The following SORCS2 variants were observed in gnomAD, a reference collection of about 807,000 sequenced individuals.
SORCS2 encodes VPS10 domain-containing receptor SorCS2.
Under a neutral mutation model 141.6 loss-of-function variants are expected in SORCS2, and 100 were observed. The observed-to-expected ratio is 0.71, with a 90% CI of 0.60 to 0.83. SORCS2 has a LOEUF of 0.83. Among genes scored for constraint, SORCS2 ranks in the 40% least tolerant of loss-of-function variants. SORCS2 has a pLI of 0.00. For missense variants in SORCS2, 1,646 were observed against 1,560.2 expected (o/e 1.05, Z -0.93); for synonymous variants, 789 against 676.9 (o/e 1.17, Z -2.57).
At chr4:7,526,921 A>G (rs1733730536) in intron 2 of SORCS2, among the ~76,000 whole-genome samples, 1 of 152,260 alleles carries the variant, frequency 6.6e-6, no homozygotes, top group African/African-American at 2.4e-5. Context: ...TAATCAATAT[A>G]AACATTATAA....
At chr4:7,568,556 C>T (rs372574558) in intron 3 of SORCS2, among the ~76,000 whole-genome samples, 56 of 152,226 alleles carry the variant, frequency 3.7e-4, no homozygotes, top group African/African-American at 8.2e-4. Context: ...TTTATCACAG[C>T]GACCACCAAA....
chr4:7,531,147 G>T (rs1212564679), intron 2 of SORCS2, among the ~76,000 whole-genome samples: 1 of 152,242 alleles, frequency 6.6e-6, no homozygotes, highest in African/African-American at 2.4e-5. Flanking sequence ...TTAACTAAGT[G>T]ATTTCAGGCA....
rs189601180 is a variant in SORCS2, at chr4:7,468,645, C to T, written c.549-62885C>T. 4.6e-5 allele frequency among the ~76,000 whole-genome samples: 7 copies of T among 152,324 alleles called. No individual in the cohort carries two copies. The East Asian group carries it at 7.7e-4, about 17-fold the overall frequency. Reference sequence around the variant, plus strand: ...AGTGCAACAGCAAGGCCTGGCATGGCGCTTCACCCAGCTTCATCTTGATCA... The same window carrying T: ...AGTGCAACAGCAAGGCCTGGCATGGTGCTTCACCCAGCTTCATCTTGATCA... On this transcript the variant is annotated intron_variant, in intron 2 of 26. Transcript: ENST00000507866.
intron 2 of SORCS2, among the ~76,000 whole-genome samples, chr4:7,526,398 C>T (rs1733696658): frequency 2.6e-5 from 4 of 152,308 alleles, no homozygotes; most frequent in Admixed American, 6.5e-5. Context: ...TATCACTAAG[C>T]GAACGGAACC....
At chr4:7,478,395 T>C (rs972937063) in intron 2 of SORCS2, among the ~76,000 whole-genome samples, 7 of 152,134 alleles carry the variant, frequency 4.6e-5, no homozygotes, top group African/African-American at 1.7e-4. Context: ...ACCCCCTTAT[T>C]TAAAAGAGTA....
intron 4 of SORCS2, among the ~76,000 whole-genome samples, chr4:7,638,987 G>A (rs1720454410): frequency 6.6e-6 from 1 of 152,202 alleles, no homozygotes; most frequent in African/African-American, 2.4e-5. Context: ...GGTTCAGCAG[G>A]GAACTGAGGC....
In SORCS2 at chr4:7,715,180, C is replaced by T. The variant is rs764684460; in HGVS notation, c.2124-3C>T. 5.6e-6 allele frequency: 9 copies of T among 1,613,634 alleles called. No homozygotes were observed. The highest frequency in any genetic ancestry group is 2.2e-5 in the South Asian group (2 of 91,016). The stretch of plus-strand genomic sequence containing the variant: ...ACTTACCACTACTCTTCCCTCCTCC[C>T]AGCGACTACGGATTTGAGCGCTCCT... On this transcript the variant is annotated splice_region_variant and splice_polypyrimidine_tract_variant and intron_variant, in intron 16 of 26. Transcript: ENST00000507866.
At chr4:7,684,150 G>A in intron 10 of SORCS2, among the ~76,000 whole-genome samples, 1 of 152,166 alleles carries the variant, frequency 6.6e-6, no homozygotes, top group Non-Finnish European at 1.5e-5. Context: ...CTTCCTAGGT[G>A]CTGGGCAACT....
chr4:7,415,221 C>T (rs1725587726), intron 2 of SORCS2, among the ~76,000 whole-genome samples: 1 of 152,200 alleles, frequency 6.6e-6, no homozygotes, highest in African/African-American at 2.4e-5. Flanking sequence ...CTTGAAGCAA[C>T]ACAGGTGTGT....
chr4:7,282,211 C>G (rs762085216), intron 1 of SORCS2, among the ~76,000 whole-genome samples: 2 of 152,214 alleles, frequency 1.3e-5, no homozygotes, highest in Non-Finnish European at 2.9e-5. Context: ...CTGCTGTTAC[C>G]GTCTCTCTGG....
intron 7 of SORCS2, 28 bp from the exon 8 acceptor site, chr4:7,667,096 T>G (rs1722549638): frequency 6.3e-7 from 1 of 1,595,584 alleles, no homozygotes; most frequent in African/African-American, 1.3e-5. Flanking sequence ...ATCAAGCCTC[T>G]CAAAAATGTG....
intron 3 of SORCS2, among the ~76,000 whole-genome samples, chr4:7,586,746 T>C (rs1716564301): frequency 6.6e-6 from 1 of 152,196 alleles, no homozygotes; most frequent in South Asian, 2.1e-4. Context: ...GGGCATTTGG[T>C]TTGATTCCAT....
chr4:7,677,372 C>T (rs1299498645), intron 9 of SORCS2, among the ~76,000 whole-genome samples: 2 of 152,252 alleles, frequency 1.3e-5, no homozygotes, highest in African/African-American at 4.8e-5. Flanking sequence ...GCGAGGGGGG[C>T]TACTTGACCC....
At chr4:7,367,624 A>T (rs1046310605) in intron 1 of SORCS2, among the ~76,000 whole-genome samples, 1 of 152,166 alleles carries the variant, frequency 6.6e-6, no homozygotes, top group Admixed American at 6.5e-5. Context: ...CTGCATCAGT[A>T]GGATTTGCCC....
intron 1 of SORCS2, among the ~76,000 whole-genome samples, chr4:7,254,290 T>A (rs1349143415): frequency 6.6e-6 from 1 of 152,192 alleles, no homozygotes; most frequent in Admixed American, 6.5e-5. Context: ...CCATGATGAA[T>A]GGATAAAGGA....
intron 8 of SORCS2, among the ~76,000 whole-genome samples, chr4:7,670,655 C>T (rs1722742250): frequency 1.3e-5 from 2 of 152,182 alleles, no homozygotes; most frequent in South Asian, 2.1e-4. Flanking sequence ...TATTTGAGAG[C>T]TTGCAGTTTC....
At chr4:7,289,350 C>A (rs894071581) in intron 1 of SORCS2, among the ~76,000 whole-genome samples, 6 of 152,180 alleles carry the variant, frequency 3.9e-5, no homozygotes, top group African/African-American at 1.4e-4. Flanking sequence ...CAGCTTGGAG[C>A]CCACTGTGCC....
At chr4:7,396,457 C>A in intron 2 of SORCS2, 102 bp downstream of exon 2, 3 of 1,231,444 alleles carry the variant, frequency 2.4e-6, no homozygotes, top group East Asian at 2.5e-5. Context: ...TGTGGCAGCC[C>A]CTGTGAGTCA....
intron 3 of SORCS2, among the ~76,000 whole-genome samples, chr4:7,598,586 T>G (rs993004102): frequency 2.2e-4 from 34 of 152,072 alleles, no homozygotes; most frequent in African/African-American, 8.0e-4. Context: ...GGCGGCTGTG[T>G]GGGGGGCAAT....
Sources: gnomAD v4.1 joint callset for allele counts (sites outside exome capture counted in the v4.1 genomes callset) on GRCh38, gnomAD v4.1.1 for gene constraint, MANE v1.5 for transcripts, NCBI Gene and HGNC (gene_info 2026-07-23, HGNC 2026-07-21) for gene names.